The following SCUBE2 variants were observed in gnomAD, a reference collection of about 807,000 sequenced individuals.
SCUBE2 encodes signal peptide, CUB domain and EGF like domain containing 2.
In SCUBE2, 114 loss-of-function variants were observed where a neutral mutation model predicts 125.9. The ratio of observed to expected loss-of-function variants is 0.91; its 90% CI spans 0.78 to 1.06. The LOEUF is 1.06. Ranked by LOEUF, SCUBE2 falls within the 50% of genes least tolerant of loss-of-function variation. The pLI, the probability that SCUBE2 is intolerant of heterozygous loss-of-function variation, is 0.00. For missense variants in SCUBE2, 1,255 were observed against 1,301.8 expected (o/e 0.96, Z 0.55); for synonymous variants, 459 against 492.9 (o/e 0.93, Z 0.91).
intron 19 of SCUBE2, among the ~76,000 whole-genome samples, chr11:9,028,832 G>A (rs1856018690): frequency 6.6e-6 from 1 of 152,138 alleles, no homozygotes; most frequent in Non-Finnish European, 1.5e-5. Flanking sequence ...CATTCATCTT[G>A]TTCTAACACT....
At chr11:9,030,188 C>T in intron 18 of SCUBE2, 143 bp from the exon 19 acceptor site, 1 of 855,514 alleles carries the variant, frequency 1.2e-6, no homozygotes, top group Non-Finnish European at 1.8e-6. Flanking sequence ...GGCTAATCAA[C>T]ACTTAATTCC....
intron 17 of SCUBE2, 119 bp downstream of exon 17, chr11:9,033,507 G>C (rs1272462382): frequency 2.6e-6 from 3 of 1,175,290 alleles, no homozygotes; most frequent in Non-Finnish European, 3.6e-6. Context: ...AGCCAACGTG[G>C]TCCCTGCTTG....
Position 9,050,630 on chromosome 11 carries a change from C to A in SCUBE2, c.1615G>T (p.Glu539Ter). ...CCTGGTAGTGCTGGTCGCAGACCCTCGGGAAACAGCTCAGCATTTTTCAAA... is the reference window on the plus strand; with the variant it reads ...CCTGGTAGTGCTGGTCGCAGACCCTAGGGAAACAGCTCAGCATTTTTCAAA... Reference protein sequence around the residue: ...CSLKNAELFPEGLRPALPEKH... With the variant: ...CSLKNAELFP Residue 539 changes from glutamate to a stop codon, truncating the protein, a stop_gained, in exon 14 of 23, where the codon GAG becomes TAG. Transcript: ENST00000649792. LOFTEE classifies it high-confidence loss of function. 6.2e-7 allele frequency: 1 copy of A among 1,614,058 alleles called. No homozygotes were observed. The highest frequency in any genetic ancestry group is 8.5e-7 in the Non-Finnish European group (1 of 1,179,916).
intron 14 of SCUBE2, among the ~76,000 whole-genome samples, chr11:9,048,670 A>G (rs1434100674): frequency 6.6e-6 from 1 of 152,234 alleles, no homozygotes; most frequent in Non-Finnish European, 1.5e-5. Context: ...CAATATCATG[A>G]AGGCATCTAG....
At chr11:9,023,863 G>C (rs1306595149) in intron 21 of SCUBE2, among the ~76,000 whole-genome samples, 1 of 152,216 alleles carries the variant, frequency 6.6e-6, no homozygotes, top group Non-Finnish European at 1.5e-5. Flanking sequence ...TGCTCAATGT[G>C]TGTTAGCCCC....
At chr11:9,058,462 G>A (rs1001914927) in intron 9 of SCUBE2, among the ~76,000 whole-genome samples, 4 of 151,892 alleles carry the variant, frequency 2.6e-5, no homozygotes, top group Admixed American at 2.0e-4. Context: ...CGGGTGTGAT[G>A]GTGCGCACCT....
chr11:9,058,077 C>T (rs913308412), intron 9 of SCUBE2, among the ~76,000 whole-genome samples: 1 of 152,284 alleles, frequency 6.6e-6, no homozygotes, highest in East Asian at 1.9e-4. Context: ...GTCTGAAATC[C>T]TCTCTAAGGA....
chr11:9,061,802 C>T (rs1047616784), intron 7 of SCUBE2, among the ~76,000 whole-genome samples: 3 of 152,138 alleles, frequency 2.0e-5, no homozygotes, highest in Non-Finnish European at 4.4e-5. Context: ...CAGTATCTGG[C>T]GTAGAAGAAA....
At position 9,048,016 on chromosome 11, in the gene SCUBE2, G is replaced by A; in HGVS notation, c.1722C>T (p.Gly574=). The change falls in exon 15 of 23, where the codon GGC becomes GGT. Residue 574 remains glycine, a synonymous_variant. Transcript: ENST00000649792. The part of the protein sequence containing the change: ...SSGKQVPGAP[G]RPSTPKEMFI... Reference sequence around the variant, plus strand: ...ACATTTCCTTAGGGGTGCTTGGTCGGCCAGGGGCTCCTGGGACTTGCTTGC... The same window carrying A: ...ACATTTCCTTAGGGGTGCTTGGTCGACCAGGGGCTCCTGGGACTTGCTTGC... The A allele has an allele frequency of 6.2e-7, 1 of 1,614,168 alleles. No homozygotes were observed. Among genetic ancestry groups the A allele is most frequent in the Non-Finnish European group, 8.5e-7 (1 of 1,180,018 alleles).
intron 2 of SCUBE2, among the ~76,000 whole-genome samples, chr11:9,086,671 G>A (rs1042946095): frequency 6.6e-6 from 1 of 152,038 alleles, no homozygotes; most frequent in Non-Finnish European, 1.5e-5. Flanking sequence ...TGGCCAACAT[G>A]GTGAAACCCC....
At chr11:9,051,697 T>C (rs1036804774) in intron 13 of SCUBE2, among the ~76,000 whole-genome samples, 5 of 152,202 alleles carry the variant, frequency 3.3e-5, no homozygotes, top group African/African-American at 1.2e-4. Context: ...AAAACAGGCA[T>C]AATTATAGTA....
chr11:9,086,709 C>T (rs545549845), intron 2 of SCUBE2, among the ~76,000 whole-genome samples: 21 of 152,062 alleles, frequency 1.4e-4, no homozygotes, highest in Middle Eastern at 3.4e-3. Flanking sequence ...AAAAATTAGC[C>T]GGGTGTGGTG....
intron 2 of SCUBE2, among the ~76,000 whole-genome samples, chr11:9,081,169 A>T (rs1861611246): frequency 6.6e-6 from 1 of 152,262 alleles, no homozygotes; most frequent in African/African-American, 2.4e-5. Context: ...AAAACGGCAT[A>T]GCCACTTTGG....
At chr11:9,083,277 T>A (rs895581972) in intron 2 of SCUBE2, among the ~76,000 whole-genome samples, 1 of 152,094 alleles carries the variant, frequency 6.6e-6, no homozygotes, top group African/African-American at 2.4e-5. Context: ...CTGAAGAGGA[T>A]GGGGAAGGAA....
At chr11:9,029,312 A>T (rs1856064628) in intron 19 of SCUBE2, among the ~76,000 whole-genome samples, 1 of 152,176 alleles carries the variant, frequency 6.6e-6, no homozygotes. Context: ...CCTGAGGTCC[A>T]GGGGTCTCCT....
chr11:9,026,471 T>TCC (rs1444359079), intron 20 of SCUBE2: 1 of 156,704 alleles, frequency 6.4e-6, no homozygotes, highest in Non-Finnish European at 1.4e-5. Context: ...TGAGACAAGG[T>TCC]CTGGCTCTGT....
rs1201219768 is a variant in SCUBE2, at chr11:9,033,722, T to C, written c.2077A>G (p.Asn693Asp). ...TCACAAGTCATTTGTCCTTCCTCAT[T>C]TTGGAAGGTTCCATTTGGACATAAA... ...CILCPNGTFQ[N>D]EEGQMTCEPC... The change falls in exon 17 of 23, where the codon AAT (asparagine) becomes GAT (aspartate). Residue 693 changes from asparagine (N) to aspartate (D), a missense_variant. Asn to Asp is a conservative substitution (Grantham distance 23). Around this residue, in one of 3 missense-constraint regions of SCUBE2, gnomAD observed 515 missense variants for 515.7 expected, o/e 1.00. Coordinates refer to ENST00000649792, the MANE Select transcript of SCUBE2 (RefSeq NM_001367977.2). 6.2e-7 allele frequency: 1 copy of C among 1,613,998 alleles called. No individual in the cohort carries two copies. Among genetic ancestry groups the C allele is most frequent in the African/African-American group, 1.3e-5 (1 of 74,886 alleles).
intron 16 of SCUBE2, among the ~76,000 whole-genome samples, chr11:9,039,474 G>A (rs1223664250): frequency 2.0e-5 from 3 of 152,144 alleles, no homozygotes; most frequent in Non-Finnish European, 2.9e-5. Context: ...AGCTTGAGAG[G>A]ATAAGAAGCT....
chr11:9,045,043 G>A (rs1354603948), intron 16 of SCUBE2, among the ~76,000 whole-genome samples: 3 of 152,042 alleles, frequency 2.0e-5, no homozygotes, highest in Non-Finnish European at 2.9e-5. Flanking sequence ...ATCTTTCCTC[G>A]TTTATTGGTT....
Sources: allele counts gnomAD v4.1 joint callset (sites outside exome capture counted in the v4.1 genomes callset), GRCh38; gene constraint gnomAD v4.1.1; regional missense constraint gnomAD v4.1.1; transcripts MANE v1.5; gene names NCBI Gene and HGNC (gene_info 2026-07-23, HGNC 2026-07-21).